Variants in KRTAP10-7 observed in about 807,000 individuals in gnomAD.
KRTAP10-7 encodes the protein keratin-associated protein 10-7.
For synonymous variants in KRTAP10-7, 162 were observed against 199.6 expected, an observed-to-expected ratio of 0.81 and a Z score of 1.59; for missense variants, 394 against 474.3, an observed-to-expected ratio of 0.83 and a Z score of 1.57.
chr21:44,600,806 A>G lies in KRTAP10-7; in HGVS notation c.185A>G (p.Tyr62Cys), dbSNP rs4818725. The G allele has an allele frequency of 8.5e-3, 13,401 of 1,570,266 alleles. 2,100 individuals are homozygous for G. In the African/African-American group the frequency reaches 0.17, roughly 19 times the overall value. The change falls in exon 1 of 1, where the codon TAT (tyrosine) becomes TGT (cysteine). Residue 62 changes from tyrosine (Y) to cysteine (C), a missense_variant. Coordinates refer to ENST00000609664, the MANE Select transcript of KRTAP10-7 (RefSeq NM_198689.3). Reference sequence around the variant, plus strand: ...AGCCTGGTCTGCACCCCAGTGAGCTATGTGTCCAGCCCCTGCTGCCGAGTG... The same window carrying G: ...AGCCTGGTCTGCACCCCAGTGAGCTGTGTGTCCAGCCCCTGCTGCCGAGTG... Reference protein sequence around the residue: ...CLSLVCTPVSYVSSPCCRVTC... With the variant: ...CLSLVCTPVSCVSSPCCRVTC...
Position 44,602,036 on chromosome 21 carries a change from C to A in KRTAP10-7, c.*302C>A. On this transcript the variant is annotated 3_prime_UTR_variant, in exon 1 of 1. Transcript: ENST00000609664. ...GGGAGAAATGAGGGTAGACAGGTACCAACTGGGTTTCTCGTCACTGTCCCA... is the reference window on the plus strand; with the variant it reads ...GGGAGAAATGAGGGTAGACAGGTACAAACTGGGTTTCTCGTCACTGTCCCA... 2.0e-6 allele frequency: 1 copy of A among 508,194 alleles called. No homozygotes were observed. The highest frequency in any genetic ancestry group is 5.3e-4 in the Middle Eastern group (1 of 1,884). The allele number at this position is 508,194 out of a possible 1,614,324, so 31.5% of individuals were successfully genotyped here.
Position 44,602,031 on chromosome 21 carries a change from G to T in KRTAP10-7, c.*297G>T. The T allele has an allele frequency of 1.9e-6, 1 of 527,708 alleles. No individual in the cohort carries two copies. The highest frequency in any genetic ancestry group is 1.9e-5 in the African/African-American group (1 of 52,266). The allele number at this position is 527,708 out of a possible 1,614,324, so 32.7% of individuals were successfully genotyped here. A position where few individuals can be genotyped will look rare whatever the true frequency, so the allele number is the denominator to read the frequency against. ...GTGTGGGGAGAAATGAGGGTAGACA[G>T]GTACCAACTGGGTTTCTCGTCACTG... On this transcript the variant is annotated 3_prime_UTR_variant, in exon 1 of 1. Coordinates refer to ENST00000609664, the MANE Select transcript of KRTAP10-7 (RefSeq NM_198689.3).
rs370092 is a variant in KRTAP10-7, at chr21:44,601,692, G to A, written c.1071G>A (p.Pro357=). ...TTTGCCGCCCCGCATGCTCCCGCCC[G>A]GCCTGCTGTGGCCCCACCTCAACCC... is the stretch of plus-strand genomic sequence containing the variant. ...SLLCRPACSR[P]ACCGPTSTQK... The change falls in exon 1 of 1, where the codon CCG becomes CCA. Residue 357 remains proline (P), a synonymous_variant. Coordinates refer to ENST00000609664, the MANE Select transcript of KRTAP10-7 (RefSeq NM_198689.3). 139,338 of 1,612,370 alleles carry A rather than the reference G, an allele frequency of 0.086. 11,494 individuals carry two copies. Among genetic ancestry groups the A allele is most frequent in the African/African-American group, 0.41 (30,843 of 74,860 alleles).
At position 44,601,003 on chromosome 21, in the gene KRTAP10-7, G is replaced by A; in HGVS notation, c.382G>A (p.Val128Ile). 1.9e-6 allele frequency: 3 copies of A among 1,611,258 alleles called. No homozygotes were observed. Among genetic ancestry groups the A allele is most frequent in the Non-Finnish European group, 1.7e-6 (2 of 1,179,742 alleles). ...VCCKPVYCVP[V>I]CSGDSSCCQQ... ...CTGCAAGCCTGTGTACTGTGTGCCT[G>A]TCTGCAGTGGGGATTCTTCATGCTG... Residue 128 changes from valine to isoleucine, a missense_variant, in exon 1 of 1, where the codon GTC becomes ATC. Coordinates refer to ENST00000609664, the MANE Select transcript of KRTAP10-7 (RefSeq NM_198689.3).
In KRTAP10-7 at chr21:44,601,389, C is replaced by T. The variant is rs371053915; in HGVS notation, c.768C>T (p.Cys256=). Residue 256 remains cysteine, a synonymous_variant, in exon 1 of 1, where the codon TGC becomes TGT. Coordinates refer to ENST00000609664, the MANE Select transcript of KRTAP10-7 (RefSeq NM_198689.3). The part of the protein sequence containing the change: ...DSGSCCQPAC[C]TSSQSQQGCC... ...GTTCATGCTGCCAGCCAGCTTGCTG[C>T]ACCTCCTCCCAAAGCCAGCAGGGCT... The T allele has an allele frequency of 3.1e-6, 5 of 1,612,470 alleles. No homozygotes were observed. The South Asian group carries it at 3.3e-5, about 11-fold the overall frequency.
In KRTAP10-7 at chr21:44,600,958, G is replaced by A. The variant is rs369241670; in HGVS notation, c.337G>A (p.Val113Ile). 54 of 1,611,050 alleles carry A rather than the reference G, an allele frequency of 3.4e-5. 1 individual carries two copies. Among genetic ancestry groups the A allele is most frequent in the African/African-American group, 1.8e-4 (13 of 73,568 alleles). ...SPCQQACCVP[V>I]CCKTVCCKPV... ...CTGCCAGCAGGCCTGCTGCGTGCCC[G>A]TCTGCTGCAAGACTGTCTGCTGCAA... Residue 113 changes from valine to isoleucine, a missense_variant, in exon 1 of 1, where the codon GTC becomes ATC. Transcript: ENST00000609664.
Position 44,601,453 on chromosome 21 carries a change from C to T in KRTAP10-7, c.832C>T (p.Pro278Ser). 6.2e-7 allele frequency: 1 copy of T among 1,611,482 alleles called. No individual in the cohort carries two copies. Among genetic ancestry groups the T allele is most frequent in the Non-Finnish European group, 8.5e-7 (1 of 1,178,986 alleles). Residue 278 changes from proline (P) to serine (S), a missense_variant, in exon 1 of 1, where the codon CCC becomes TCC. By Grantham distance (74) the Pro-to-Ser change is moderately conservative. Coordinates refer to ENST00000609664, the MANE Select transcript of KRTAP10-7 (RefSeq NM_198689.3). Reference protein sequence around the residue: ...PVCCKPVCCVPVCSGASTSCC... With the variant: ...PVCCKPVCCVSVCSGASTSCC... ...CTGCTGTAAGCCTGTGTGCTGTGTG[C>T]CCGTCTGCTCTGGGGCTTCCACTTC...
Position 44,601,300 on chromosome 21 carries a change from G to C in KRTAP10-7, c.679G>C (p.Ala227Pro), listed in dbSNP as rs1555928691. Residue 227 changes from alanine (A) to proline (P), a missense_variant, in exon 1 of 1, where the codon GCC becomes CCC. Transcript: ENST00000609664. ...CTGCACCTCCTCCCCTTGCCAGCAG[G>C]CCTGCTGTGTGCCTGTCTGCTGCAA... ...ACCTSSPCQQ[A>P]CCVPVCCKPV... 6.2e-7 allele frequency: 1 copy of C among 1,610,806 alleles called. No homozygotes were observed. Among genetic ancestry groups the C allele is most frequent in the Admixed American group, 1.7e-5 (1 of 59,766 alleles).
In KRTAP10-7 at chr21:44,602,104, C is replaced by A; in HGVS notation, c.*370C>A. On this transcript the variant is annotated 3_prime_UTR_variant, in exon 1 of 1. Transcript: ENST00000609664. ...GCTCCTCCCCTGCTGTGGGCCTGGG[C>A]CTCTTTCTCTGTCTTCCCTGACCAC... 1 of 372,956 alleles carries A rather than the reference C, an allele frequency of 2.7e-6. No individual in the cohort carries two copies. The highest frequency in any genetic ancestry group is 5.1e-6 in the Non-Finnish European group (1 of 195,838). The allele number at this position is 372,956 out of a possible 1,614,324, so 23.1% of individuals were successfully genotyped here. A position where few individuals can be genotyped will look rare whatever the true frequency, so the allele number is the denominator to read the frequency against.
In KRTAP10-7 at chr21:44,601,507, G is replaced by A; in HGVS notation, c.886G>A (p.Ala296Thr). ...CTGCCAGCAGTCTAGCTGCCAGCCG[G>A]CTTGCTGCACCACCTCCTGCTGCAG... ...SCCQQSSCQP[A>T]CCTTSCCRPS... is the part of the protein sequence containing the mutation. Residue 296 changes from alanine (A) to threonine (T), a missense_variant, in exon 1 of 1, where the codon GCT becomes ACT. Ala to Thr is a moderately conservative substitution (Grantham distance 58). Coordinates refer to ENST00000609664, the MANE Select transcript of KRTAP10-7 (RefSeq NM_198689.3). The A allele has an allele frequency of 6.2e-7, 1 of 1,613,122 alleles. No individual in the cohort carries two copies. The highest frequency in any genetic ancestry group is 8.5e-7 in the Non-Finnish European group (1 of 1,179,672).
At position 44,601,647 on chromosome 21, in the gene KRTAP10-7, A is replaced by G. The variant is rs782151450; in HGVS notation, c.1026A>G (p.Pro342=). Reference sequence around the variant, plus strand: ...CCTGCCAGGCCAGCTGCTGCCGCCCAGCCTCCTGTGTGTCTCTCCTTTGCC... The same window carrying G: ...CCTGCCAGGCCAGCTGCTGCCGCCCGGCCTCCTGTGTGTCTCTCCTTTGCC... ...TSSCQASCCR[P]ASCVSLLCRP... The change falls in exon 1 of 1, where the codon CCA becomes CCG. Residue 342 remains proline, a synonymous_variant. Transcript: ENST00000609664. 67 of 1,611,456 alleles carry G rather than the reference A, an allele frequency of 4.2e-5. No homozygotes were observed. The highest frequency in any genetic ancestry group is 1.3e-4 in the South Asian group (12 of 90,952).
At position 44,601,798 on chromosome 21, in the gene KRTAP10-7, A is replaced by C; in HGVS notation, c.*64A>C. ...TGCCACCTGCACCCCTGGATTCTTT[A>C]CCCTTGACGGCTCTCCACATCCCGC... On this transcript the variant is annotated 3_prime_UTR_variant, in exon 1 of 1. Coordinates refer to ENST00000609664, the MANE Select transcript of KRTAP10-7 (RefSeq NM_198689.3). The C allele has an allele frequency of 1.3e-6, 2 of 1,557,268 alleles. No homozygotes were observed. The highest frequency in any genetic ancestry group is 2.7e-5 in the African/African-American group (2 of 73,852).
Position 44,601,690 on chromosome 21 carries a change from C to A in KRTAP10-7, c.1069C>A (p.Pro357Thr), listed in dbSNP as rs782724198. 2.2e-5 allele frequency: 35 copies of A among 1,612,340 alleles called. No homozygotes were observed. In the Admixed American group the frequency reaches 5.7e-4, roughly 26 times the overall value. The change falls in exon 1 of 1, where the codon CCG becomes ACG. Residue 357 changes from proline to threonine, a missense_variant. Coordinates refer to ENST00000609664, the MANE Select transcript of KRTAP10-7 (RefSeq NM_198689.3). ...SLLCRPACSR[P>T]ACCGPTSTQK... Reference sequence around the variant, plus strand: ...CCTTTGCCGCCCCGCATGCTCCCGCCCGGCCTGCTGTGGCCCCACCTCAAC... The same window carrying A: ...CCTTTGCCGCCCCGCATGCTCCCGCACGGCCTGCTGTGGCCCCACCTCAAC...
In KRTAP10-7 at chr21:44,602,121, C is replaced by T; in HGVS notation, c.*387C>T. 1 of 345,162 alleles carries T rather than the reference C, an allele frequency of 2.9e-6. No individual in the cohort carries two copies. Among genetic ancestry groups the T allele is most frequent in the Non-Finnish European group, 5.6e-6 (1 of 178,732 alleles). 21.4% of individuals were successfully genotyped at this position (345,162 alleles called of 1,614,324 possible). ...GGCCTGGGCCTCTTTCTCTGTCTTC[C>T]CTGACCACGGGAGCAGGTCAGACCC... On this transcript the variant is annotated 3_prime_UTR_variant, in exon 1 of 1. Transcript: ENST00000609664.
In KRTAP10-7 at chr21:44,602,011, G is replaced by A; in HGVS notation, c.*277G>A. 1 of 569,904 alleles carries A rather than the reference G, an allele frequency of 1.8e-6. No homozygotes were observed. The highest frequency in any genetic ancestry group is 3.2e-6 in the Non-Finnish European group (1 of 312,328). The allele number at this position is 569,904 out of a possible 1,614,324, so 35.3% of individuals were successfully genotyped here. On this transcript the variant is annotated 3_prime_UTR_variant, in exon 1 of 1. Transcript: ENST00000609664. ...TGCTCCCAGGCCATAGCCCGGTGTGGGGAGAAATGAGGGTAGACAGGTACC... is the reference window on the plus strand; with the variant it reads ...TGCTCCCAGGCCATAGCCCGGTGTGAGGAGAAATGAGGGTAGACAGGTACC...
At position 44,601,929 on chromosome 21, in the gene KRTAP10-7, T is replaced by C. The variant is rs1980961455; in HGVS notation, c.*195T>C. 2 of 787,316 alleles carry C rather than the reference T, an allele frequency of 2.5e-6. No homozygotes were observed. Among genetic ancestry groups the C allele is most frequent in the Admixed American group, 5.9e-5 (2 of 33,786 alleles). The allele number at this position is 787,316 out of a possible 1,614,324, so 48.8% of individuals were successfully genotyped here. On this transcript the variant is annotated 3_prime_UTR_variant, in exon 1 of 1. Transcript: ENST00000609664. ...CTCCAAGTCTTGACTTTCCCCCAAT[T>C]ACCCAGCCCTGCTTCCCCAGCAACA...
rs782788968 is a variant in KRTAP10-7 at position 44,601,280 on chromosome 21, C to A, written c.659C>A (p.Thr220Asn). 9 of 1,609,210 alleles carry A rather than the reference C, an allele frequency of 5.6e-6. No homozygotes were observed. In the South Asian group the frequency reaches 8.8e-5, roughly 16 times the overall value. Residue 220 changes from threonine (T) to asparagine (N), a missense_variant, in exon 1 of 1, where the codon ACC becomes AAC. Physicochemically the swap from Thr to Asn is moderately conservative, Grantham distance 65. Transcript: ENST00000609664. ...QQSSCKPACC[T>N]SSPCQQACCV... ...TCTAGCTGCAAGCCGGCTTGCTGCA[C>A]CTCCTCCCCTTGCCAGCAGGCCTGC...
Position 44,601,904 on chromosome 21 carries a change from C to G in KRTAP10-7, c.*170C>G. The G allele has an allele frequency of 1.0e-6, 1 of 997,800 alleles. No homozygotes were observed. Among genetic ancestry groups the G allele is most frequent in the Non-Finnish European group, 1.5e-6 (1 of 687,884 alleles). 61.8% of individuals were successfully genotyped at this position (997,800 alleles called of 1,614,324 possible). Reference sequence around the variant, plus strand: ...CCTCCTAGAAGCAGCTCAGCTGTTTCTCCAAGTCTTGACTTTCCCCCAATT... The same window carrying G: ...CCTCCTAGAAGCAGCTCAGCTGTTTGTCCAAGTCTTGACTTTCCCCCAATT... On this transcript the variant is annotated 3_prime_UTR_variant, in exon 1 of 1. Coordinates refer to ENST00000609664, the MANE Select transcript of KRTAP10-7 (RefSeq NM_198689.3).
At position 44,600,763 on chromosome 21, in the gene KRTAP10-7, G is replaced by A. The variant is rs1292166796; in HGVS notation, c.142G>A (p.Ala48Thr). ...PESCCEPPCC[A>T]PAPCLSLVCT... Reference sequence around the variant, plus strand: ...GAGCTGCTGCGAGCCCCCCTGCTGCGCCCCGGCCCCCTGCCTGAGCCTGGT... The same window carrying A: ...GAGCTGCTGCGAGCCCCCCTGCTGCACCCCGGCCCCCTGCCTGAGCCTGGT... Residue 48 changes from alanine to threonine, a missense_variant, in exon 1 of 1, where the codon GCC becomes ACC. Physicochemically the swap from Ala to Thr is moderately conservative, Grantham distance 58. Transcript: ENST00000609664. 6.0e-5 allele frequency: 96 copies of A among 1,600,226 alleles called. 4 individuals carry two copies. In the Middle Eastern group the frequency reaches 9.1e-4, roughly 15 times the overall value.
Sources: allele counts gnomAD v4.1 joint callset, GRCh38; gene constraint gnomAD v4.1.1; transcripts MANE v1.5; gene names NCBI Gene and HGNC (gene_info 2026-07-23, HGNC 2026-07-21).